Variants in COL6A2 observed in about 807,000 individuals in gnomAD.
COL6A2 encodes the protein collagen type VI alpha 2 chain, also known as collagen alpha-2(VI) chain.
COL6A2 carries 90 observed loss-of-function variants against 124.9 expected under a neutral mutation model. The observed-to-expected ratio is 0.72, with a 90% CI of 0.61 to 0.86. The LOEUF is 0.86. Ranked by LOEUF, COL6A2 falls within the 40% of genes least tolerant of loss-of-function variation. The pLI is 0.00. For missense variants in COL6A2, 1,607 were observed against 1,502.5 expected, an observed-to-expected ratio of 1.07 and a Z score of -1.15; for synonymous variants, 793 against 618.2, an observed-to-expected ratio of 1.28 and a Z score of -4.19.
rs747295545 is a variant in COL6A2 at position 46,126,606 on chromosome 21, C to T, written c.2461+65C>T. ...AAGCAGCCCTGGTGTCCTTCCTCCT[C>T]GAGGGCCGGGCTGGGGGAGGGGCCG... On this transcript the variant is annotated intron_variant, in intron 27 of 27. Coordinates refer to ENST00000300527, the MANE Select transcript of COL6A2 (RefSeq NM_001849.4). The T allele has an allele frequency of 2.0e-5, 32 of 1,598,496 alleles. No individual in the cohort carries two copies. In the Admixed American group the frequency reaches 3.0e-4, roughly 15 times the overall value.
rs1273914217 is a variant in COL6A2 at position 46,124,698 on chromosome 21, A to G, written c.1719A>G (p.Gly573=). The change falls in exon 22 of 28, where the codon GGA becomes GGG. Residue 573 remains glycine (G), a synonymous_variant. Transcript: ENST00000300527. Reference sequence around the variant, plus strand: ...AGCCAGGCCCTCGGGGGCCAAGAGGAGTCCCAGGACCCGAGGTAGGTTGGT... The same window carrying G: ...AGCCAGGCCCTCGGGGGCCAAGAGGGGTCCCAGGACCCGAGGTAGGTTGGT... ...PGEPGPRGPR[G]VPGPEGEPGP... 1.9e-6 allele frequency: 3 copies of G among 1,612,708 alleles called. No individual in the cohort carries two copies. Among genetic ancestry groups the G allele is most frequent in the Non-Finnish European group, 2.5e-6 (3 of 1,179,882 alleles).
rs1482186659 is a variant in COL6A2, at chr21:46,113,072, A to C, written c.735+248A>C. 1.2e-5 allele frequency: 7 copies of C among 598,622 alleles called. No individual in the cohort carries two copies. The Admixed American group carries it at 1.4e-4, about 12-fold the overall frequency. The allele number at this position is 598,622 out of a possible 1,614,324, so 37.1% of individuals were successfully genotyped here. Reference sequence around the variant, plus strand: ...GAGCACGTGTTACAAGGAGAGGTCGAGGGTCTGGCCTCCGGGCAGGTGGGA... The same window carrying C: ...GAGCACGTGTTACAAGGAGAGGTCGCGGGTCTGGCCTCCGGGCAGGTGGGA... On this transcript the variant is annotated intron_variant, in intron 4 of 27. Transcript: ENST00000300527.
intron 18 of COL6A2, 112 bp from the exon 19 acceptor site, chr21:46,121,996 G>A (rs917991103): frequency 7.0e-6 from 8 of 1,144,430 alleles, no homozygotes; most frequent in Admixed American, 3.8e-5. Context: ...AGAACTCGAC[G>A]GCACCCCTAG....
In COL6A2 at chr21:46,121,606, G is replaced by A. The variant is rs2123646828; in HGVS notation, c.1509G>A (p.Gln503=). The A allele has an allele frequency of 6.2e-7, 1 of 1,612,772 alleles. No individual in the cohort carries two copies. ...CAGGACCCCGTGGAGACTCAGGACA[G>A]CCAGGCCCCAAGGTACGTGCCCCTC... ...GDAGPRGDSG[Q]PGPKGDPGRP... The change falls in exon 18 of 28, where the codon CAG becomes CAA. Residue 503 remains glutamine, a synonymous_variant. Transcript: ENST00000300527.
At chr21:46,108,518 T>C (rs970187726) in intron 1 of COL6A2, among the ~76,000 whole-genome samples, 4 of 152,244 alleles carry the variant, frequency 2.6e-5, no homozygotes, top group African/African-American at 9.6e-5. Flanking sequence ...GCTCTTGATT[T>C]GAAATGTATA....
At position 46,112,203 on chromosome 21, in the gene COL6A2, G is replaced by T; in HGVS notation, c.340G>T (p.Asp114Tyr). Residue 114 changes from aspartate to tyrosine, a missense_variant, in exon 3 of 28, where the codon GAC becomes TAC. Asp to Tyr is a radical substitution (Grantham distance 160, BLOSUM62 -3). Around this residue, in one of 3 missense-constraint regions of COL6A2, gnomAD observed 342 missense variants for 381.5 expected, o/e 0.90. Transcript: ENST00000300527. ...GGAGGTGTTCAGCCCACCGGGCAGC[G>T]ACCGGGCCTCCTTCATCAAGAACCT... ...QVEVFSPPGS[D>Y]RASFIKNLQG... 6.2e-7 allele frequency: 1 copy of T among 1,612,900 alleles called. No homozygotes were observed. The highest frequency in any genetic ancestry group is 1.1e-5 in the South Asian group (1 of 91,068).
Position 46,124,223 on chromosome 21 carries a change from TGATGGATGGGTGACTGGGTGGATG to T in COL6A2, c.1672-416_1672-393del, listed in dbSNP as rs1171260676. Among the ~76,000 whole-genome samples the T allele has an allele frequency of 7.5e-5, 11 of 147,272 alleles. No individual in the cohort carries two copies. In the South Asian group the frequency reaches 1.5e-3, roughly 20 times the overall value. On this transcript the variant is annotated intron_variant, in intron 21 of 27. Coordinates refer to ENST00000300527, the MANE Select transcript of COL6A2 (RefSeq NM_001849.4). ...GTTAGTGGGTGGCTGGGTGGATGGA[TGATGGATGGGTGACTGGGTGGATG>T]GATGGATGGGTTAGTGGGTGGCTGG... is the stretch of plus-strand genomic sequence containing the variant.
In COL6A2 at chr21:46,125,577, C is replaced by G. The variant is rs1472678084; in HGVS notation, c.1929C>G (p.Asn643Lys). ...LEKNFVINVV[N>K]RLGAIAKDPK... ...AGAACTTCGTCATCAACGTGGTCAACAGGCTGGGTGCCATCGCTAAGGACC... is the reference window on the plus strand; with the variant it reads ...AGAACTTCGTCATCAACGTGGTCAAGAGGCTGGGTGCCATCGCTAAGGACC... Residue 643 changes from asparagine (N) to lysine (K), a missense_variant, in exon 25 of 28, where the codon AAC (asparagine) becomes AAG (lysine). Physicochemically the swap from Asn to Lys is moderately conservative, Grantham distance 94 (BLOSUM62 0). This residue lies in a region of COL6A2 where 1,223 missense variants were observed against 1,052.2 expected (regional missense o/e 1.16). Transcript: ENST00000300527. 6.2e-7 allele frequency: 1 copy of G among 1,612,688 alleles called. No homozygotes were observed. The highest frequency in any genetic ancestry group is 8.5e-7 in the Non-Finnish European group (1 of 1,179,954).
At chr21:46,114,113 G>A (rs1418451139) in intron 5 of COL6A2, 40 bp downstream of exon 5, 1 of 1,555,232 alleles carries the variant, frequency 6.4e-7, no homozygotes, top group Non-Finnish European at 8.9e-7. Flanking sequence ...GCGCTACCAG[G>A]AAGCCCCTGA....
intron 5 of COL6A2, among the ~76,000 whole-genome samples, chr21:46,114,963 C>A (rs2078451279): frequency 6.6e-6 from 1 of 152,252 alleles, no homozygotes; most frequent in Non-Finnish European, 1.5e-5. Context: ...ATTTGGATAA[C>A]AGCTGTCTAG....
At chr21:46,123,688 G>A (rs915574287) in intron 21 of COL6A2, among the ~76,000 whole-genome samples, 41 of 65,770 alleles carry the variant, frequency 6.2e-4, no homozygotes, top group African/African-American at 2.0e-3. Context: ...TGGGTGAGTA[G>A]GTGGGTAGGT....
chr21:46,123,039 C>A, intron 21 of COL6A2, 102 bp downstream of exon 21: 2 of 1,202,440 alleles, frequency 1.7e-6, no homozygotes, highest in African/African-American at 1.5e-5. Context: ...CGCCAGGCAG[C>A]TTGGCCCCAG....
chr21:46,116,482 G>A lies in COL6A2; in HGVS notation c.927+79G>A. The A allele has an allele frequency of 1.3e-6, 2 of 1,593,942 alleles. No individual in the cohort carries two copies. The highest frequency in any genetic ancestry group is 1.7e-6 in the Non-Finnish European group (2 of 1,164,836). On this transcript the variant is annotated intron_variant, in intron 8 of 27. Transcript: ENST00000300527. This position sits in a 1 kb window ranked among gnomAD's most constrained non-coding sequence, Gnocchi z 4.6. Reference sequence around the variant, plus strand: ...CACCTCTTGGCGTCCGCCGCAGCCTGTCACTGCTCCTGGGGCACCGGCCTG... The same window carrying A: ...CACCTCTTGGCGTCCGCCGCAGCCTATCACTGCTCCTGGGGCACCGGCCTG...
Position 46,112,056 on chromosome 21 carries a change from A to C in COL6A2, c.193A>C (p.Ile65Leu). 1 of 1,613,142 alleles carries C rather than the reference A, an allele frequency of 6.2e-7. No homozygotes were observed. The highest frequency in any genetic ancestry group is 2.2e-5 in the East Asian group (1 of 44,876). Residue 65 changes from isoleucine (I) to leucine (L), a missense_variant, in exon 3 of 28, where the codon ATC (isoleucine) becomes CTC (leucine). Ile to Leu is a conservative substitution (Grantham distance 5). This residue lies in a region of COL6A2 where 342 missense variants were observed against 381.5 expected (regional missense o/e 0.90). Coordinates refer to ENST00000300527, the MANE Select transcript of COL6A2 (RefSeq NM_001849.4). ...CGTCACCATGCAGTCCCCCACGGACATCCTGCTCTTCCACATGAAGCAGTT... is the reference window on the plus strand; with the variant it reads ...CGTCACCATGCAGTCCCCCACGGACCTCCTGCTCTTCCACATGAAGCAGTT... ...ESVTMQSPTDILLFHMKQFVP... is the reference protein window; with the variant it reads ...ESVTMQSPTDLLLFHMKQFVP...
intron 26 of COL6A2, 110 bp downstream of exon 26, chr21:46,126,347 A>G: frequency 6.6e-7 from 1 of 1,516,694 alleles, no homozygotes; most frequent in Non-Finnish European, 9.1e-7. Context: ...GCAGCCCAGG[A>G]TCTTGGGCTG....
intron 27 of COL6A2, among the ~76,000 whole-genome samples, chr21:46,128,546 C>T (rs2078709472): frequency 1.3e-5 from 2 of 152,268 alleles, no homozygotes; most frequent in Admixed American, 1.3e-4. Flanking sequence ...CACCCTGGGC[C>T]TGCAGCAGGC....
chr21:46,102,933 C>T (rs1437215764), intron 1 of COL6A2, among the ~76,000 whole-genome samples: 3 of 152,036 alleles, frequency 2.0e-5, no homozygotes, highest in Non-Finnish European at 2.9e-5. Context: ...ATGCTGGCCT[C>T]ATAAGAATGA....
chr21:46,113,284 G>C (rs1033941772), intron 4 of COL6A2, among the ~76,000 whole-genome samples: 4 of 152,138 alleles, frequency 2.6e-5, no homozygotes, highest in African/African-American at 9.7e-5. Flanking sequence ...CCTCAGAATC[G>C]CTGCTCAGTA....
Position 46,122,375 on chromosome 21 carries a change from T to C in COL6A2, c.1573-121T>C, listed in dbSNP as rs1436784409. 3.6e-6 allele frequency: 5 copies of C among 1,384,930 alleles called. No homozygotes were observed. In the East Asian group the frequency reaches 1.1e-4, roughly 32 times the overall value. 85.8% of individuals were successfully genotyped at this position (1,384,930 alleles called of 1,614,324 possible). On this transcript the variant is annotated intron_variant, in intron 19 of 27. Coordinates refer to ENST00000300527, the MANE Select transcript of COL6A2 (RefSeq NM_001849.4). ...GAGCACAGCTCAGAACGCAGCACAG[T>C]GGCCTCACCCAGAGTGTGAATGAGC...
Sources: allele counts gnomAD v4.1 joint callset (sites outside exome capture counted in the v4.1 genomes callset), GRCh38; gene constraint gnomAD v4.1.1; regional missense constraint gnomAD v4.1.1; non-coding constraint Gnocchi (gnomAD v3.1); transcripts MANE v1.5; gene names NCBI Gene and HGNC (gene_info 2026-07-23, HGNC 2026-07-21).